Variants in ANKMY2 observed in about 807,000 individuals in gnomAD.
ANKMY2 encodes ankyrin repeat and MYND domain containing 2.
In ANKMY2, 36 loss-of-function variants were observed where a neutral mutation model predicts 50.4. That is an observed-to-expected ratio of 0.71 (90% confidence interval 0.55 to 0.94). The LOEUF (loss-of-function observed/expected upper bound fraction) is 0.94, where lower values mean the gene tolerates loss of function less well. Ranked by LOEUF, ANKMY2 falls within the 40% of genes least tolerant of loss-of-function variation. The pLI, the probability that ANKMY2 is intolerant of heterozygous loss-of-function variation, is 0.00. For missense variants in ANKMY2, 565 were observed against 524.0 expected (o/e 1.08, Z -0.76); for synonymous variants, 187 against 178.8 (o/e 1.05, Z -0.36).
At chr7:16,642,745 A>G (rs929876832) in intron 1 of ANKMY2, among the ~76,000 whole-genome samples, 3 of 152,198 alleles carry the variant, frequency 2.0e-5, no homozygotes, top group Admixed American at 1.3e-4. Flanking sequence ...TCAACTATAA[A>G]ATAAAAATTT....
intron 8 of ANKMY2, among the ~76,000 whole-genome samples, 158 bp from the exon 9 acceptor site, chr7:16,602,667 T>TG (rs1227018670): frequency 2.6e-5 from 4 of 152,230 alleles, no homozygotes; most frequent in African/African-American, 9.6e-5. Flanking sequence ...TTGTCCCCTC[T>TG]AAATCTCATA....
Position 16,618,801 on chromosome 7 carries a change from T to A in ANKMY2, c.371-2897A>T, listed in dbSNP as rs193003691. Reference sequence around the variant, plus strand: ...ACACAGTTATCAAAATCAACCCAAGTAATTGTGAGGAAATTTACAACTGTA... The same window carrying A: ...ACACAGTTATCAAAATCAACCCAAGAAATTGTGAGGAAATTTACAACTGTA... On this transcript the variant is annotated intron_variant, in intron 4 of 9. Coordinates refer to ENST00000306999, the MANE Select transcript of ANKMY2 (RefSeq NM_020319.3). Among the ~76,000 whole-genome samples, 245 of 152,336 alleles carry A rather than the reference T, an allele frequency of 1.6e-3. 3 individuals are homozygous for A. Among genetic ancestry groups the A allele is most frequent in the African/African-American group, 5.5e-3 (228 of 41,574 alleles).
chr7:16,614,432 CTCTTCTG>C (rs1781308446), intron 5 of ANKMY2, among the ~76,000 whole-genome samples: 1 of 152,180 alleles, frequency 6.6e-6, no homozygotes, highest in Admixed American at 6.5e-5. Context: ...GCAGATTCCA[CTCTTCTG>C]TCTGATGGGA....
rs1270875215 is a variant in ANKMY2 at position 16,601,176 on chromosome 7, C to T, written c.1142-231G>A. Among the ~76,000 whole-genome samples the T allele has an allele frequency of 2.6e-5, 4 of 152,248 alleles. No individual in the cohort carries two copies. The East Asian group carries it at 5.8e-4, about 22-fold the overall frequency. On this transcript the variant is annotated intron_variant, in intron 9 of 9. Coordinates refer to ENST00000306999, the MANE Select transcript of ANKMY2 (RefSeq NM_020319.3). The stretch of plus-strand genomic sequence containing the variant: ...GCAGAACCAGCATTTGAACTCAGGC[C>T]GCTGGCTCCAAAGCCATCTCTAAAT...
In ANKMY2 at chr7:16,600,775, C is replaced by T. The variant is rs2128341316; in HGVS notation, c.1312G>A (p.Val438Met). Residue 438 changes from valine (V) to methionine (M), a missense_variant, in exon 10 of 10, where the codon GTG (valine) becomes ATG (methionine). Physicochemically the swap from Val to Met is conservative, Grantham distance 21. Coordinates refer to ENST00000306999, the MANE Select transcript of ANKMY2 (RefSeq NM_020319.3). ...GLQDAPAGPQ[V>M]SEE The stretch of plus-strand genomic sequence containing the variant: ...TGCTCTGGCTTTTACTCCTCAGACA[C>T]CTGTGGCCCTGCAGGAGCATCCTGT... The T allele has an allele frequency of 6.2e-7, 1 of 1,610,374 alleles. No individual in the cohort carries two copies. The highest frequency in any genetic ancestry group is 2.2e-5 in the East Asian group (1 of 44,808).
At position 16,645,569 on chromosome 7, in the gene ANKMY2, A is replaced by T. The variant is rs1363085741; in HGVS notation, c.5T>A (p.Val2Asp). 1 of 1,611,168 alleles carries T rather than the reference A, an allele frequency of 6.2e-7. No individual in the cohort carries two copies. Among genetic ancestry groups the T allele is most frequent in the South Asian group, 1.1e-5 (1 of 90,662 alleles). Residue 2 changes from valine (V) to aspartate (D), a missense_variant, in exon 1 of 10, where the codon GTT becomes GAT. Coordinates refer to ENST00000306999, the MANE Select transcript of ANKMY2 (RefSeq NM_020319.3). The part of the protein sequence containing the change: M[V>D]HIKKGELTQE... ...GGTCAGCTCGCCTTTCTTTATGTGA[A>T]CCATTGCTCCCGCCAGCTTGAAGGT...
At position 16,645,705 on chromosome 7, in the gene ANKMY2, G is replaced by A. The variant is rs1053948777; in HGVS notation, c.-132C>T. On this transcript the variant is annotated 5_prime_UTR_variant, in exon 1 of 10. Transcript: ENST00000306999. ...ACACTGAGTAGCCAACCGCGGAAACGCTTCGCTTCTCTCCTCCCTCCCGCG... is the reference window on the plus strand; with the variant it reads ...ACACTGAGTAGCCAACCGCGGAAACACTTCGCTTCTCTCCTCCCTCCCGCG... 85 of 990,380 alleles carry A rather than the reference G, an allele frequency of 8.6e-5. No individual in the cohort carries two copies. Among genetic ancestry groups the A allele is most frequent in the African/African-American group, 3.2e-4 (19 of 58,516 alleles). The allele number at this position is 990,380 out of a possible 1,614,324, so 61.3% of individuals were successfully genotyped here.
In ANKMY2 at chr7:16,609,656, C is replaced by T; in HGVS notation, c.856G>A (p.Val286Ile). The T allele has an allele frequency of 1.9e-6, 3 of 1,609,432 alleles. No individual in the cohort carries two copies. The highest frequency in any genetic ancestry group is 1.7e-5 in the Admixed American group (1 of 58,860). ...ATTTCAACAGGAGCAATGCTTCGAACCAGCTGCTGGAGGAGTGTAGCTTCA... is the reference window on the plus strand; with the variant it reads ...ATTTCAACAGGAGCAATGCTTCGAATCAGCTGCTGGAGGAGTGTAGCTTCA... ...YCEATLLQQL[V>I]RSIAPVEIGS... The change falls in exon 7 of 10, where the codon GTT becomes ATT. Residue 286 changes from valine to isoleucine, a missense_variant. Coordinates refer to ENST00000306999, the MANE Select transcript of ANKMY2 (RefSeq NM_020319.3).
intron 5 of ANKMY2, among the ~76,000 whole-genome samples, chr7:16,614,510 A>T (rs1781309466): frequency 6.6e-6 from 1 of 152,216 alleles, no homozygotes. Flanking sequence ...GGGTGGAGGA[A>T]CACACAATGA....
intron 6 of ANKMY2, 136 bp from the exon 7 acceptor site, chr7:16,609,901 G>C: frequency 9.2e-7 from 1 of 1,091,512 alleles, no homozygotes; most frequent in Non-Finnish European, 1.3e-6. Flanking sequence ...GACGGGCTCA[G>C]TTCAAATTGC....
chr7:16,645,709 C>T lies in ANKMY2; in HGVS notation c.-136G>A, dbSNP rs1781831802. ...TGAGTAGCCAACCGCGGAAACGCTT[C>T]GCTTCTCTCCTCCCTCCCGCGGGCT... is the stretch of plus-strand genomic sequence containing the variant. On this transcript the variant is annotated 5_prime_UTR_variant, in exon 1 of 10. Transcript: ENST00000306999. The T allele has an allele frequency of 2.1e-6, 2 of 944,364 alleles. No homozygotes were observed. The highest frequency in any genetic ancestry group is 3.0e-6 in the Non-Finnish European group (2 of 661,940). 58.5% of individuals were successfully genotyped at this position (944,364 alleles called of 1,614,324 possible).
intron 4 of ANKMY2, among the ~76,000 whole-genome samples, chr7:16,624,034 T>C (rs1477354065): frequency 2.0e-5 from 3 of 152,142 alleles, no homozygotes; most frequent in South Asian, 2.1e-4. Flanking sequence ...TCCTCTTCTA[T>C]GTATTTTTAT....
At position 16,638,948 on chromosome 7, in the gene ANKMY2, C is replaced by A. The variant is rs1248092423; in HGVS notation, c.68-2493G>T. Among the ~76,000 whole-genome samples the A allele has an allele frequency of 2.6e-5, 4 of 152,270 alleles. No individual in the cohort carries two copies. In the East Asian group the frequency reaches 7.7e-4, roughly 29 times the overall value. ...CCAAATAGATATTTCTTATTATATC[C>A]TACATGTACACGTACCCACAATCAC... On this transcript the variant is annotated intron_variant, in intron 1 of 9. Coordinates refer to ENST00000306999, the MANE Select transcript of ANKMY2 (RefSeq NM_020319.3).
At position 16,636,163 on chromosome 7, in the gene ANKMY2, A is replaced by C. The variant is rs1254448442; in HGVS notation, c.132+228T>G. Among the ~76,000 whole-genome samples, 5 of 151,634 alleles carry C rather than the reference A, an allele frequency of 3.3e-5. No homozygotes were observed. The East Asian group carries it at 9.7e-4, about 29-fold the overall frequency. On this transcript the variant is annotated intron_variant, in intron 2 of 9. Coordinates refer to ENST00000306999, the MANE Select transcript of ANKMY2 (RefSeq NM_020319.3). ...ACTAAAAATAGAAAAATTACTCAGG[A>C]GTGGTGGTGGGTGACTGTAATCCCA...
intron 5 of ANKMY2, among the ~76,000 whole-genome samples, chr7:16,614,460 C>G (rs1761167540): frequency 6.6e-6 from 1 of 152,154 alleles, no homozygotes; most frequent in South Asian, 2.1e-4. Context: ...AAGGTATCTA[C>G]TAGTTTGTCA....
At chr7:16,625,175 T>G (rs1029221859) in intron 3 of ANKMY2, 94 bp from the exon 4 acceptor site, 25 of 888,932 alleles carry the variant, frequency 2.8e-5, no homozygotes, top group Admixed American at 4.9e-5. Context: ...TTCCCCCAGT[T>G]AGTTTTAGGT....
At chr7:16,602,213 C>A (rs1781078781) in intron 9 of ANKMY2, among the ~76,000 whole-genome samples, 167 bp downstream of exon 9, 1 of 152,128 alleles carries the variant, frequency 6.6e-6, no homozygotes, top group Non-Finnish European at 1.5e-5. Flanking sequence ...CTGACTATAT[C>A]CTAAGAACTT....
chr7:16,644,907 T>A (rs1201726109), intron 1 of ANKMY2: 1 of 347,232 alleles, frequency 2.9e-6, no homozygotes, highest in East Asian at 8.2e-5. Context: ...GCCTCGCCAA[T>A]TTCCTTGTCT....
rs73310772 is a variant in ANKMY2, at chr7:16,617,692, A to G, written c.371-1788T>C. Among the ~76,000 whole-genome samples the G allele has an allele frequency of 2.0e-3, 299 of 152,272 alleles. 2 individuals carry two copies. The highest frequency in any genetic ancestry group is 7.0e-3 in the African/African-American group (289 of 41,568). On this transcript the variant is annotated intron_variant, in intron 4 of 9. Transcript: ENST00000306999. Reference sequence around the variant, plus strand: ...GTAACACAGAGGATGAAGGGCAGGCATGGTGGCTCATGCCTATAATCCCAG... The same window carrying G: ...GTAACACAGAGGATGAAGGGCAGGCGTGGTGGCTCATGCCTATAATCCCAG...
Sources: allele counts gnomAD v4.1 joint callset (sites outside exome capture counted in the v4.1 genomes callset), GRCh38; gene constraint gnomAD v4.1.1; transcripts MANE v1.5; gene names NCBI Gene and HGNC (gene_info 2026-07-23, HGNC 2026-07-21).